Variants in SEMA3C observed in about 807,000 individuals in gnomAD.
SEMA3C encodes semaphorin-3C.
In SEMA3C, 47 loss-of-function variants were observed where a neutral mutation model predicts 89.4. That is an observed-to-expected ratio of 0.53 (90% CI 0.42 to 0.67). The LOEUF (loss-of-function observed/expected upper bound fraction) is 0.67. Ranked by LOEUF, SEMA3C falls within the 30% of genes least tolerant of loss-of-function variation. SEMA3C has a pLI of 0.00. For missense variants in SEMA3C, 839 were observed against 929.1 expected, an observed-to-expected ratio of 0.90 and a Z score of 1.26; for synonymous variants, 310 against 320.2, an observed-to-expected ratio of 0.97 and a Z score of 0.34.
At chr7:80,800,897 G>T in intron 9 of SEMA3C, 71 bp from the exon 10 acceptor site, 1 of 964,216 alleles carries the variant, frequency 1.0e-6, no homozygotes, top group Non-Finnish European at 1.5e-6. Flanking sequence ...TTTACCCTAA[G>T]AAAATAATTT....
intron 12 of SEMA3C, among the ~76,000 whole-genome samples, chr7:80,780,317 G>A (rs149960874): frequency 6.6e-6 from 1 of 152,114 alleles, no homozygotes; most frequent in South Asian, 2.1e-4. Context: ...AGTGCAATAA[G>A]CTCAATAAAT....
At chr7:80,828,473 C>A in intron 3 of SEMA3C, 112 bp downstream of exon 3, 1 of 811,150 alleles carries the variant, frequency 1.2e-6, no homozygotes, top group Non-Finnish European at 1.8e-6. Flanking sequence ...AACATGGGAC[C>A]AGTATTTTCT....
rs537637742 is a variant in SEMA3C at position 80,834,632 on chromosome 7, C to T, written c.104-5887G>A. On this transcript the variant is annotated intron_variant, in intron 2 of 17. Coordinates refer to ENST00000265361, the MANE Select transcript of SEMA3C (RefSeq NM_006379.5). ...TTGAGTTAACTAAGTCACGAAGAAT[C>T]TCATTCATGCACTCAAAAATGTGAA... Among the ~76,000 whole-genome samples the T allele has an allele frequency of 4.6e-5, 7 of 152,250 alleles. No homozygotes were observed. In the East Asian group the frequency reaches 1.4e-3, roughly 29 times the overall value.
chr7:80,761,721 AT>A (rs1015716843), intron 13 of SEMA3C, 64 bp from the exon 14 acceptor site: 181 of 898,432 alleles, frequency 2.0e-4, no homozygotes, highest in African/African-American at 1.7e-3. Context: ...TTACATTCAG[AT>A]TTTTTTTCTA....
chr7:80,865,069 T>C (rs1790893957), intron 2 of SEMA3C, among the ~76,000 whole-genome samples: 1 of 152,202 alleles, frequency 6.6e-6, no homozygotes, highest in African/African-American at 2.4e-5. Flanking sequence ...TCTTAATCAT[T>C]TGTGGCATTT....
At chr7:80,843,034 A>T (rs1224464294) in intron 2 of SEMA3C, among the ~76,000 whole-genome samples, 1 of 152,168 alleles carries the variant, frequency 6.6e-6, no homozygotes, top group African/African-American at 2.4e-5. Flanking sequence ...ACATGAAATT[A>T]GAGGTTAGGA....
At chr7:80,848,070 C>G (rs1790431427) in intron 2 of SEMA3C, among the ~76,000 whole-genome samples, 1 of 152,152 alleles carries the variant, frequency 6.6e-6, no homozygotes, top group African/African-American at 2.4e-5. Flanking sequence ...GCAACTAATT[C>G]TAGTGTCTCA....
At chr7:80,751,152 T>C (rs1787926118) in intron 16 of SEMA3C, 117 bp downstream of exon 16, 4 of 777,762 alleles carry the variant, frequency 5.1e-6, no homozygotes, top group Admixed American at 2.4e-5. Context: ...AGAATTGTTA[T>C]AATAAATATT....
At chr7:80,882,682 A>G (rs992952124) in intron 2 of SEMA3C, among the ~76,000 whole-genome samples, 1 of 151,120 alleles carries the variant, frequency 6.6e-6, no homozygotes, top group Non-Finnish European at 1.5e-5. Flanking sequence ...CAAACAATTT[A>G]TTTTTCTTGT....
At chr7:80,830,099 T>G (rs1789976089) in intron 2 of SEMA3C, among the ~76,000 whole-genome samples, 1 of 152,318 alleles carries the variant, frequency 6.6e-6, no homozygotes, top group Non-Finnish European at 1.5e-5. Flanking sequence ...AAATTTAACC[T>G]ATTTTCTGGG....
intron 2 of SEMA3C, among the ~76,000 whole-genome samples, chr7:80,871,663 T>C (rs1467832303): frequency 6.6e-6 from 1 of 152,162 alleles, no homozygotes; most frequent in African/African-American, 2.4e-5. Flanking sequence ...TGGGCATAAA[T>C]GCTTAAGGTG....
intron 12 of SEMA3C, among the ~76,000 whole-genome samples, chr7:80,766,382 G>A (rs1788303443): frequency 6.6e-6 from 1 of 152,110 alleles, no homozygotes; most frequent in Non-Finnish European, 1.5e-5. Context: ...ATGGAGGCAG[G>A]GAACATAAAG....
chr7:80,908,164 T>C (rs1224276530), intron 2 of SEMA3C, among the ~76,000 whole-genome samples: 1 of 152,140 alleles, frequency 6.6e-6, no homozygotes, highest in African/African-American at 2.4e-5. Context: ...AAATAAACTG[T>C]GATCACATAT....
intron 16 of SEMA3C, 34 bp from the exon 17 acceptor site, chr7:80,749,062 A>T: frequency 6.4e-7 from 1 of 1,568,502 alleles, no homozygotes; most frequent in Non-Finnish European, 8.6e-7. Context: ...AGAGAGAAAG[A>T]AAGAACACAA....
chr7:80,825,255 A>G (rs1789844471), intron 4 of SEMA3C, among the ~76,000 whole-genome samples: 1 of 152,114 alleles, frequency 6.6e-6, no homozygotes, highest in African/African-American at 2.4e-5. Flanking sequence ...TGGATTTGTC[A>G]GACATTCTTT....
chr7:80,894,056 A>C (rs564898179), intron 2 of SEMA3C, among the ~76,000 whole-genome samples: 2 of 152,322 alleles, frequency 1.3e-5, no homozygotes, highest in South Asian at 4.1e-4. Context: ...AAGGATAAAC[A>C]ATCTACTTTG....
chr7:80,790,567 T>A (rs1788913736), intron 11 of SEMA3C, among the ~76,000 whole-genome samples: 1 of 152,114 alleles, frequency 6.6e-6, no homozygotes, highest in South Asian at 2.1e-4. Context: ...CAAGCATACT[T>A]CCCCTCCAGG....
chr7:80,881,693 A>G (rs1791344762), intron 2 of SEMA3C, among the ~76,000 whole-genome samples: 1 of 152,216 alleles, frequency 6.6e-6, no homozygotes, highest in Admixed American at 6.5e-5. Context: ...TCATAGCAGC[A>G]GCAGCAATGA....
chr7:80,789,658 G>A (rs920552072), intron 11 of SEMA3C, 130 bp from the exon 12 acceptor site: 27 of 641,324 alleles, frequency 4.2e-5, no homozygotes, highest in African/African-American at 3.5e-4. Flanking sequence ...ACCTATGGAA[G>A]TGAAAAGAAA....
Sources: allele counts gnomAD v4.1 joint callset (sites outside exome capture counted in the v4.1 genomes callset), GRCh38; gene constraint gnomAD v4.1.1; transcripts MANE v1.5; gene names NCBI Gene and HGNC (gene_info 2026-07-23, HGNC 2026-07-21).